The following RABGAP1L variants were observed in gnomAD, a reference collection of about 807,000 sequenced individuals.
RABGAP1L encodes the protein rab GTPase-activating protein 1-like.
Under a neutral mutation model 137.7 loss-of-function variants are expected in RABGAP1L, and 63 were observed. That is an observed-to-expected ratio of 0.46 (90% CI 0.37 to 0.56). The LOEUF is 0.56. Ranked by LOEUF, RABGAP1L falls within the 20% of genes least tolerant of loss-of-function variation. The pLI, the probability that RABGAP1L is intolerant of heterozygous loss-of-function variation, is 0.00. For synonymous variants in RABGAP1L, 431 were observed against 433.7 expected (o/e 0.99, Z 0.08); for missense variants, 1,095 against 1,244.0 (o/e 0.88, Z 1.80).
chr1:174,187,830 T>C (rs1469374316), intron 1 of RABGAP1L, among the ~76,000 whole-genome samples: 1 of 152,120 alleles, frequency 6.6e-6, no homozygotes, highest in Non-Finnish European at 1.5e-5. Context: ...AGAGTTTTCT[T>C]TGTGACCCTA....
chr1:174,911,350 C>T (rs908098905), intron 19 of RABGAP1L, among the ~76,000 whole-genome samples: 32 of 152,024 alleles, frequency 2.1e-4, no homozygotes, highest in South Asian at 4.1e-4. Flanking sequence ...TGAGTGCAAA[C>T]GGCTTTGTTG....
intron 18 of RABGAP1L, chr1:174,756,999 T>C (rs1684818651): frequency 7.1e-6 from 6 of 850,712 alleles, no homozygotes; most frequent in Non-Finnish European, 1.1e-5. Context: ...ACATAGGCCT[T>C]GTCAAAGCAC....
intron 11 of RABGAP1L, among the ~76,000 whole-genome samples, chr1:174,307,188 C>G (rs1047193757): frequency 4.6e-5 from 7 of 152,172 alleles, no homozygotes; most frequent in African/African-American, 1.7e-4. Flanking sequence ...AAGCTGAGAT[C>G]TGAGTCCAGG....
At chr1:174,802,532 G>A (rs540346645) in intron 18 of RABGAP1L, among the ~76,000 whole-genome samples, 1 of 152,156 alleles carries the variant, frequency 6.6e-6, no homozygotes, top group Non-Finnish European at 1.5e-5. Flanking sequence ...GCTTGAATCC[G>A]GGAGGCAGAG....
chr1:174,358,809 C>T (rs1683879797), intron 11 of RABGAP1L, among the ~76,000 whole-genome samples: 1 of 152,168 alleles, frequency 6.6e-6, no homozygotes, highest in African/African-American at 2.4e-5. Flanking sequence ...TCTCCCTTCA[C>T]TCATTCAGGA....
At position 174,875,462 on chromosome 1, in the gene RABGAP1L, G is replaced by C. The variant is rs549725609; in HGVS notation, c.2340+63502G>C. Reference sequence around the variant, plus strand: ...TTTGCCCCTGGGTGGTTGCCAGCAGGGAGTAAGGCATTGTGGGAAGTACTT... The same window carrying C: ...TTTGCCCCTGGGTGGTTGCCAGCAGCGAGTAAGGCATTGTGGGAAGTACTT... On this transcript the variant is annotated intron_variant, in intron 19 of 25. Coordinates refer to ENST00000681986, the MANE Select transcript of RABGAP1L (RefSeq NM_001366446.1). The C allele has an allele frequency of 8.5e-6, 8 of 942,408 alleles. No individual in the cohort carries two copies. The East Asian group carries it at 8.1e-4, about 96-fold the overall frequency. 58.4% of individuals were successfully genotyped at this position (942,408 alleles called of 1,614,324 possible).
intron 11 of RABGAP1L, among the ~76,000 whole-genome samples, chr1:174,361,862 A>G (rs1169659054): frequency 1.3e-5 from 2 of 152,174 alleles, no homozygotes. Flanking sequence ...GGTTTGTTGT[A>G]CAGATTATTT....
At chr1:174,338,884 A>G (rs1197187976) in intron 11 of RABGAP1L, among the ~76,000 whole-genome samples, 1 of 152,114 alleles carries the variant, frequency 6.6e-6, no homozygotes, top group Non-Finnish European at 1.5e-5. Flanking sequence ...AGGTTGTAAT[A>G]AAAAAAGAAG....
intron 19 of RABGAP1L, among the ~76,000 whole-genome samples, chr1:174,893,439 A>G (rs568474956): frequency 6.6e-6 from 1 of 152,212 alleles, no homozygotes. Flanking sequence ...GTGGTTTCCA[A>G]AGACAATCAC....
intron 19 of RABGAP1L, among the ~76,000 whole-genome samples, chr1:174,850,824 A>G (rs1404200658): frequency 2.6e-5 from 4 of 152,242 alleles, no homozygotes; most frequent in South Asian, 4.1e-4. Flanking sequence ...TCTTTGGCTA[A>G]TGGCAGGAAG....
chr1:174,699,086 C>G (rs529761041), intron 15 of RABGAP1L, among the ~76,000 whole-genome samples: 3 of 151,986 alleles, frequency 2.0e-5, no homozygotes, highest in Non-Finnish European at 4.4e-5. Context: ...CTCCACCTCC[C>G]AGGCTCAAGC....
intron 12 of RABGAP1L, among the ~76,000 whole-genome samples, chr1:174,371,800 A>G (rs1231639149): frequency 6.6e-6 from 1 of 152,154 alleles, no homozygotes; most frequent in African/African-American, 2.4e-5. Context: ...TCTGGGCGGA[A>G]TTTCACAGTT....
intron 19 of RABGAP1L, among the ~76,000 whole-genome samples, chr1:174,887,862 C>T (rs754947252): frequency 6.6e-6 from 1 of 151,954 alleles, no homozygotes; most frequent in Non-Finnish European, 1.5e-5. Context: ...TAGCAAAACC[C>T]AATCTCTACC....
In RABGAP1L at chr1:174,399,520, T is replaced by C. The variant is rs992858957; in HGVS notation, c.1710+5375T>C. ...GAACAAACAATTGCTTTATAAAAAA[T>C]TGCTTTATAAAAACCCTACCAGAGG... On this transcript the variant is annotated intron_variant, in intron 13 of 25. Coordinates refer to ENST00000681986, the MANE Select transcript of RABGAP1L (RefSeq NM_001366446.1). 2.0e-5 allele frequency among the ~76,000 whole-genome samples: 3 copies of C among 152,094 alleles called. No individual in the cohort carries two copies. The East Asian group carries it at 5.8e-4, about 29-fold the overall frequency.
intron 13 of RABGAP1L, among the ~76,000 whole-genome samples, chr1:174,413,277 A>G (rs1307586923): frequency 6.6e-6 from 1 of 152,122 alleles, no homozygotes; most frequent in African/African-American, 2.4e-5. Context: ...TGTATTTTGA[A>G]ATTCCTTAAG....
chr1:174,531,191 G>A (rs946143278), intron 13 of RABGAP1L, among the ~76,000 whole-genome samples: 37 of 151,282 alleles, frequency 2.4e-4, no homozygotes, highest in South Asian at 1.5e-3. Context: ...TATTAAAGAT[G>A]GCTATAATAC....
At chr1:174,945,174 G>A (rs1186659619) in intron 19 of RABGAP1L, among the ~76,000 whole-genome samples, 11 of 152,074 alleles carry the variant, frequency 7.2e-5, no homozygotes, top group Non-Finnish European at 1.0e-4. Flanking sequence ...GTCCAATTTT[G>A]GAACTATATC....
In RABGAP1L at chr1:174,219,308, T is replaced by G. The variant is rs1669577135; in HGVS notation, c.138+13T>G. The G allele has an allele frequency of 6.6e-7, 1 of 1,508,622 alleles. No individual in the cohort carries two copies. Among genetic ancestry groups the G allele is most frequent in the South Asian group, 1.3e-5 (1 of 78,438 alleles). The allele number at this position is 1,508,622 out of a possible 1,614,324, so 93.5% of individuals were successfully genotyped here. A position where few individuals can be genotyped will look rare whatever the true frequency, so the allele number is the denominator to read the frequency against. ...ACCTCAACTGAAGGTATTTTTTTCTTTTCTACATATGGTATAATTTTTAAT... is the reference window on the plus strand; with the variant it reads ...ACCTCAACTGAAGGTATTTTTTTCTGTTCTACATATGGTATAATTTTTAAT... On this transcript the variant is annotated intron_variant, in intron 2 of 25. Coordinates refer to ENST00000681986, the MANE Select transcript of RABGAP1L (RefSeq NM_001366446.1).
intron 13 of RABGAP1L, among the ~76,000 whole-genome samples, chr1:174,523,939 C>G (rs1322846938): frequency 6.6e-6 from 1 of 152,146 alleles, no homozygotes; most frequent in Non-Finnish European, 1.5e-5. Context: ...CCTCCTGTTA[C>G]AATCACATTG....
Sources: gnomAD v4.1 joint callset for allele counts (sites outside exome capture counted in the v4.1 genomes callset) on GRCh38, gnomAD v4.1.1 for gene constraint, MANE v1.5 for transcripts, NCBI Gene and HGNC (gene_info 2026-07-23, HGNC 2026-07-21) for gene names.